INPP5J: variants seen among roughly 807,000 people sequenced by gnomAD.
The protein encoded by INPP5J is inositol polyphosphate-5-phosphatase J.
In INPP5J, 75 loss-of-function variants were observed where a neutral mutation model predicts 86.6. That is an observed-to-expected ratio of 0.87 (90% CI 0.72 to 1.05). INPP5J has a LOEUF of 1.05. Among genes scored for constraint, INPP5J ranks in the 50% least tolerant of loss-of-function variants. The pLI, the probability that INPP5J is intolerant of heterozygous loss-of-function variation, is 0.00. For synonymous variants in INPP5J, 540 were observed against 550.0 expected (o/e 0.98, Z 0.25); for missense variants, 1,229 against 1,341.2 (o/e 0.92, Z 1.31).
Position 31,125,527 on chromosome 22 carries a change from C to T in INPP5J, c.788C>T (p.Thr263Ile). 1 of 1,550,620 alleles carries T rather than the reference C, an allele frequency of 6.4e-7. No homozygotes were observed. The highest frequency in any genetic ancestry group is 1.2e-5 in the South Asian group (1 of 84,060). ...LQPPAQTSGP[T>I]GSPPCIQTSP... ...CCTCCAGCTCAGACATCTGGTCCTACAGGCTCCCCACCCTGCATCCAAACC... is the reference window on the plus strand; with the variant it reads ...CCTCCAGCTCAGACATCTGGTCCTATAGGCTCCCCACCCTGCATCCAAACC... Residue 263 changes from threonine to isoleucine, a missense_variant, in exon 2 of 13, where the codon ACA becomes ATA. By Grantham distance (89) the Thr-to-Ile change is moderately conservative (BLOSUM62 -1). Coordinates refer to ENST00000331075, the MANE Select transcript of INPP5J (RefSeq NM_001284285.2).
At chr22:31,126,226 G>A in intron 2 of INPP5J, 150 bp from the exon 3 acceptor site, 1 of 789,406 alleles carries the variant, frequency 1.3e-6, no homozygotes, top group Non-Finnish European at 2.0e-6. Flanking sequence ...GAGTGTGGCA[G>A]AGGGACAGGA....
intron 9 of INPP5J, among the ~76,000 whole-genome samples, chr22:31,132,897 G>T (rs1055262597): frequency 4.6e-5 from 7 of 152,208 alleles, no homozygotes; most frequent in African/African-American, 1.7e-4. Context: ...TCCCTAAGGA[G>T]GCTGTGGGCA....
chr22:31,124,803 C>G, intron 1 of INPP5J, 42 bp from the exon 2 acceptor site: 1 of 1,556,808 alleles, frequency 6.4e-7, no homozygotes, highest in Non-Finnish European at 8.7e-7. Flanking sequence ...GCCCAATGCC[C>G]TGGTTAGGGT....
At position 31,128,673 on chromosome 22, in the gene INPP5J, C is replaced by G; in HGVS notation, c.2193+19C>G. The G allele has an allele frequency of 6.5e-7, 1 of 1,547,124 alleles. No individual in the cohort carries two copies. Among genetic ancestry groups the G allele is most frequent in the Non-Finnish European group, 8.7e-7 (1 of 1,148,070 alleles). ...CCTGCAGGTGAGTTCTGGCCTCATCCTCCCCGCATGAAATCCCCAGGCCCA... is the reference window on the plus strand; with the variant it reads ...CCTGCAGGTGAGTTCTGGCCTCATCGTCCCCGCATGAAATCCCCAGGCCCA... On this transcript the variant is annotated intron_variant, in intron 9 of 12. Coordinates refer to ENST00000331075, the MANE Select transcript of INPP5J (RefSeq NM_001284285.2).
rs2147890459 is a variant in INPP5J at position 31,134,672 on chromosome 22, A to G, written c.*253A>G. On this transcript the variant is annotated 3_prime_UTR_variant, in exon 13 of 13. Coordinates refer to ENST00000331075, the MANE Select transcript of INPP5J (RefSeq NM_001284285.2). ...GATGTCCCAATCCTGGAGGTCATCCATTAGGAATTAAATTCTCCAGCCTCA... is the reference window on the plus strand; with the variant it reads ...GATGTCCCAATCCTGGAGGTCATCCGTTAGGAATTAAATTCTCCAGCCTCA... 2.5e-6 allele frequency: 1 copy of G among 406,976 alleles called. No individual in the cohort carries two copies. The highest frequency in any genetic ancestry group is 3.6e-5 in the East Asian group (1 of 27,598). 25.2% of individuals were successfully genotyped at this position (406,976 alleles called of 1,614,324 possible).
chr22:31,128,146 C>T, intron 7 of INPP5J, 68 bp from the exon 8 acceptor site: 1 of 1,434,308 alleles, frequency 7.0e-7, no homozygotes, highest in Non-Finnish European at 9.7e-7. Flanking sequence ...CCTCACCTGC[C>T]CCACCCCCTC....
intron 9 of INPP5J, among the ~76,000 whole-genome samples, chr22:31,130,513 CAA>C (rs753550517): frequency 1.2e-4 from 13 of 108,740 alleles, no homozygotes; most frequent in Middle Eastern, 5.2e-3. Context: ...GACCTTGTCT[CAA>C]AAAAAAAAAA....
At chr22:31,127,312 C>G (rs778764663) in intron 5 of INPP5J, 45 bp from the exon 6 acceptor site, 1 of 1,541,974 alleles carries the variant, frequency 6.5e-7, no homozygotes, top group South Asian at 1.3e-5. Flanking sequence ...GCCTCACCTC[C>G]TGGCCTAAGC....
intron 10 of INPP5J, 26 bp from the exon 11 acceptor site, chr22:31,133,380 C>G (rs981917280): frequency 6.2e-6 from 10 of 1,612,250 alleles, no homozygotes; most frequent in Non-Finnish European, 6.8e-6. Context: ...GGTCACAACA[C>G]TGATTCCACA....
In INPP5J at chr22:31,125,091, G is replaced by A. The variant is rs1200262364; in HGVS notation, c.352G>A (p.Ala118Thr). Residue 118 changes from alanine (A) to threonine (T), a missense_variant, in exon 2 of 13, where the codon GCC becomes ACC. Coordinates refer to ENST00000331075, the MANE Select transcript of INPP5J (RefSeq NM_001284285.2). ...PTSVGQLVMS[A>T]SAGPKPPPAT... is the part of the protein sequence containing the mutation. ...ATCTGTGGGCCAGCTGGTGATGTCT[G>A]CCTCAGCTGGACCAAAGCCTCCCCC... 5 of 1,549,606 alleles carry A rather than the reference G, an allele frequency of 3.2e-6. No homozygotes were observed. Among genetic ancestry groups the A allele is most frequent in the Non-Finnish European group, 4.4e-6 (5 of 1,146,980 alleles).
intron 1 of INPP5J, 42 bp from the exon 2 acceptor site, chr22:31,124,803 C>A: frequency 6.4e-7 from 1 of 1,556,808 alleles, no homozygotes; most frequent in Admixed American, 1.8e-5. Context: ...GCCCAATGCC[C>A]TGGTTAGGGT....
rs760092310 is a variant in INPP5J at position 31,127,015 on chromosome 22, G to A, written c.1589G>A (p.Arg530His). The A allele has an allele frequency of 1.1e-5, 18 of 1,603,292 alleles. No homozygotes were observed. Among genetic ancestry groups the A allele is most frequent in the South Asian group, 2.2e-5 (2 of 89,386 alleles). Residue 530 changes from arginine to histidine, a missense_variant, in exon 5 of 13, where the codon CGC (arginine) becomes CAC (histidine). Physicochemically the swap from Arg to His is conservative, Grantham distance 29. Coordinates refer to ENST00000331075, the MANE Select transcript of INPP5J (RefSeq NM_001284285.2). Reference protein sequence around the residue: ...FLRDVQTDCTRTGLGGYWGNK... With the variant: ...FLRDVQTDCTHTGLGGYWGNK... The stretch of plus-strand genomic sequence containing the variant: ...CGAGACGTGCAGACCGACTGCACGC[G>A]CACTGGCCTGGGCGGCTACTGGGTG...
intron 5 of INPP5J, 58 bp downstream of exon 5, chr22:31,127,095 C>T (rs1003804956): frequency 1.6e-5 from 19 of 1,191,966 alleles, no homozygotes; most frequent in Middle Eastern, 2.0e-4. Context: ...TTAGATTAGT[C>T]CCCCCGCCCC....
At chr22:31,126,286 C>G (rs1290373694) in intron 2 of INPP5J, 90 bp from the exon 3 acceptor site, 10 of 1,124,320 alleles carry the variant, frequency 8.9e-6, no homozygotes, top group Non-Finnish European at 1.0e-5. Context: ...ACACCTGCCT[C>G]CATTTAGTTC....
chr22:31,122,823 C>G, upstream of INPP5J: 1 of 490,190 alleles, frequency 2.0e-6, no homozygotes, highest in Non-Finnish European at 3.5e-6. Flanking sequence ...CATGGCTGTT[C>G]CAGCCTCAGC....
intron 9 of INPP5J, among the ~76,000 whole-genome samples, chr22:31,132,552 C>A (rs1396182157): frequency 6.6e-6 from 1 of 151,970 alleles, no homozygotes; most frequent in Non-Finnish European, 1.5e-5. Context: ...ACAGCCTGGC[C>A]AACATGGTGA....
intron 5 of INPP5J, 55 bp from the exon 6 acceptor site, chr22:31,127,302 G>C: frequency 6.7e-7 from 1 of 1,501,006 alleles, no homozygotes; most frequent in Non-Finnish European, 9.0e-7. Context: ...CGCTCCCAGT[G>C]CCTCACCTCC....
Position 31,125,488 on chromosome 22 carries a change from A to AG in INPP5J, c.753dup (p.His252AlafsTer35). 1 of 1,549,668 alleles carries AG rather than the reference A, an allele frequency of 6.5e-7. No homozygotes were observed. Among genetic ancestry groups the AG allele is most frequent in the Non-Finnish European group, 8.7e-7 (1 of 1,146,716 alleles). On this transcript the variant is annotated frameshift_variant, in exon 2 of 13. Transcript: ENST00000331075. LOFTEE classifies it high-confidence loss of function. ...GCCCCTAGACCTCTCCCTGCTTCTGAGGGGCATCTCCAGCCTCCAGCTCAG... is the reference window on the plus strand; with the variant it reads ...GCCCCTAGACCTCTCCCTGCTTCTGAGGGGGCATCTCCAGCCTCCAGCTCAG...
chr22:31,128,720 C>T lies in INPP5J; in HGVS notation c.2193+66C>T, dbSNP rs974883408. 1.1e-5 allele frequency: 15 copies of T among 1,354,972 alleles called. No individual in the cohort carries two copies. The South Asian group carries it at 2.1e-4, about 19-fold the overall frequency. 83.9% of individuals were successfully genotyped at this position (1,354,972 alleles called of 1,614,324 possible). A position where few individuals can be genotyped will look rare whatever the true frequency, so the allele number is the denominator to read the frequency against. On this transcript the variant is annotated intron_variant, in intron 9 of 12. Coordinates refer to ENST00000331075, the MANE Select transcript of INPP5J (RefSeq NM_001284285.2). ...CCCAACTCGGCATACCACTGCCCCT[C>T]ACCATTACCCTTTGTATAACCCCTT...
Sources: gnomAD v4.1 joint callset for allele counts (sites outside exome capture counted in the v4.1 genomes callset) on GRCh38, gnomAD v4.1.1 for gene constraint, MANE v1.5 for transcripts, NCBI Gene and HGNC (gene_info 2026-07-23, HGNC 2026-07-21) for gene names.